Variants in DDX4 observed in about 807,000 individuals in gnomAD.
DDX4 encodes the protein DEAD-box helicase 4.
In DDX4, 25 loss-of-function variants were observed where a neutral mutation model predicts 100.0. That is an observed-to-expected ratio of 0.25 (90% confidence interval 0.18 to 0.35). The LOEUF (loss-of-function observed/expected upper bound fraction) is 0.35, where lower values mean the gene tolerates loss of function less well. Ranked by LOEUF, DDX4 falls within the 10% of genes least tolerant of loss-of-function variation. The pLI is 1.00. For synonymous variants in DDX4, 259 were observed against 275.7 expected, an observed-to-expected ratio of 0.94 and a Z score of 0.60; for missense variants, 635 against 882.4, an observed-to-expected ratio of 0.72 and a Z score of 3.55.
chr5:55,762,088 A>G (rs564751310), intron 4 of DDX4, among the ~76,000 whole-genome samples: 2 of 152,180 alleles, frequency 1.3e-5, no homozygotes, highest in Non-Finnish European at 2.9e-5. Flanking sequence ...AAATACTTTT[A>G]TAGTTGGGCA....
At chr5:55,801,858 C>T (rs987179934) in intron 18 of DDX4, among the ~76,000 whole-genome samples, 2 of 152,176 alleles carry the variant, frequency 1.3e-5, no homozygotes, top group African/African-American at 4.8e-5. Flanking sequence ...CAGAAACTCT[C>T]TCTACTAGGT....
chr5:55,796,701 TTTC>T (rs569631192), intron 17 of DDX4, among the ~76,000 whole-genome samples: 76 of 152,254 alleles, frequency 5.0e-4, no homozygotes, highest in Non-Finnish European at 9.1e-4. Flanking sequence ...TTTGTGCTTG[TTTC>T]TTCTTTCCTA....
intron 3 of DDX4, among the ~76,000 whole-genome samples, chr5:55,751,957 G>A (rs1246832320): frequency 6.6e-6 from 1 of 151,958 alleles, no homozygotes; most frequent in Non-Finnish European, 1.5e-5. Context: ...AATCATGGTG[G>A]CCATATTTAT....
intron 8 of DDX4, 22 bp downstream of exon 8, chr5:55,780,087 G>T (rs373181554): frequency 6.2e-7 from 1 of 1,611,882 alleles, no homozygotes; most frequent in Non-Finnish European, 8.5e-7. Flanking sequence ...ATTTGCAAAT[G>T]ATGTGCTTCA....
chr5:55,745,528 CCT>C (rs1479988170), intron 2 of DDX4, among the ~76,000 whole-genome samples: 5 of 151,942 alleles, frequency 3.3e-5, no homozygotes, highest in African/African-American at 1.2e-4. Context: ...GCGAAGTGAA[CCT>C]CCCATCTCAG....
In DDX4 at chr5:55,815,278, C is replaced by T. The variant is rs754235498; in HGVS notation, c.1987-35C>T. ...AAGTAAACTTTTCCAATATTTAATA[C>T]TTTATGTTGCATATGAAGTCAATTT... On this transcript the variant is annotated intron_variant, in intron 20 of 21. Transcript: ENST00000505374. The T allele has an allele frequency of 8.9e-5, 142 of 1,599,604 alleles. No individual in the cohort carries two copies. In the East Asian group the frequency reaches 3.1e-3, roughly 35 times the overall value.
intron 1 of DDX4, among the ~76,000 whole-genome samples, chr5:55,738,611 C>T (rs1002916063): frequency 1.3e-5 from 2 of 152,138 alleles, no homozygotes; most frequent in Non-Finnish European, 2.9e-5. Context: ...AAAGTTGCCT[C>T]TCCCTTAATA....
At chr5:55,806,579 T>C (rs1390719220) in intron 18 of DDX4, among the ~76,000 whole-genome samples, 1 of 152,366 alleles carries the variant, frequency 6.6e-6, no homozygotes, top group East Asian at 1.9e-4. Flanking sequence ...CATTTTGTTA[T>C]GTACCCAGTA....
At chr5:55,807,701 C>T (rs922664675) in intron 18 of DDX4, among the ~76,000 whole-genome samples, 17 of 152,322 alleles carry the variant, frequency 1.1e-4, no homozygotes, top group African/African-American at 4.1e-4. Flanking sequence ...AGCTGTTAGT[C>T]TGATGGGCTT....
At chr5:55,752,832 C>G (rs1759653428) in intron 3 of DDX4, among the ~76,000 whole-genome samples, 1 of 147,454 alleles carries the variant, frequency 6.8e-6, no homozygotes, top group Non-Finnish European at 1.5e-5. Flanking sequence ...TCTCCACATC[C>G]TCTCCAGCAC....
rs397956329 is a variant in DDX4 at position 55,816,449 on chromosome 5, TA to T, written c.2098-11del. On this transcript the variant is annotated splice_polypyrimidine_tract_variant and intron_variant, in intron 21 of 21. Transcript: ENST00000505374. Reference sequence around the variant, plus strand: ...TTGTTTGTTTCTTTTTTTTTTTTTTTAAATAATTACCAGGGCAAGAGCACTT... The same window carrying T: ...TTGTTTGTTTCTTTTTTTTTTTTTTTAATAATTACCAGGGCAAGAGCACTT... 6.4e-6 allele frequency: 10 copies of T among 1,564,366 alleles called. No homozygotes were observed. Among genetic ancestry groups the T allele is most frequent in the Admixed American group, 5.7e-5 (3 of 52,520 alleles).
chr5:55,766,233 AT>A (rs1283416122), intron 6 of DDX4, among the ~76,000 whole-genome samples: 1 of 151,876 alleles, frequency 6.6e-6, no homozygotes, highest in Non-Finnish European at 1.5e-5. Context: ...TTTTAAAGTA[AT>A]TTTTTATTTT....
intron 18 of DDX4, among the ~76,000 whole-genome samples, chr5:55,811,128 A>AG (rs1275907888): frequency 6.6e-6 from 1 of 151,776 alleles, no homozygotes; most frequent in Non-Finnish European, 1.5e-5. Context: ...AATGGCTCTG[A>AG]GGAAAAAAAA....
intron 2 of DDX4, among the ~76,000 whole-genome samples, chr5:55,742,808 A>G (rs541713702): frequency 6.6e-6 from 1 of 152,336 alleles, no homozygotes; most frequent in East Asian, 1.9e-4. Flanking sequence ...TGGAGAAGAC[A>G]GAATAAGCGC....
At chr5:55,745,025 C>A (rs1382290250) in intron 2 of DDX4, among the ~76,000 whole-genome samples, 1 of 151,988 alleles carries the variant, frequency 6.6e-6, no homozygotes. Context: ...GGATTACAGG[C>A]GCCCATCACC....
intron 3 of DDX4, among the ~76,000 whole-genome samples, chr5:55,757,022 A>G (rs1327316027): frequency 1.3e-5 from 2 of 152,186 alleles, no homozygotes; most frequent in African/African-American, 4.8e-5. Flanking sequence ...AAAGGAAATA[A>G]TTGTATATTT....
At chr5:55,764,370 A>G (rs568091709) in intron 6 of DDX4, among the ~76,000 whole-genome samples, 1 of 152,352 alleles carries the variant, frequency 6.6e-6, no homozygotes, top group South Asian at 2.1e-4. Context: ...TTCACTCTCT[A>G]TATAAATACA....
At chr5:55,762,558 C>A (rs548860788) in intron 4 of DDX4, among the ~76,000 whole-genome samples, 76 of 152,172 alleles carry the variant, frequency 5.0e-4, no homozygotes, top group Non-Finnish European at 9.1e-4. Flanking sequence ...AAAATATTAG[C>A]AGTTGACAGT....
In DDX4 at chr5:55,743,911, C is replaced by CTTT. The variant is rs35808138; in HGVS notation, c.70-2238_70-2236dup. On this transcript the variant is annotated intron_variant, in intron 2 of 21. Transcript: ENST00000505374. Reference sequence around the variant, plus strand: ...GTTTTATAACACTTGTAAAACCAGCCTTTTTTTTTTTTTTTTTGCCTCTAT... The same window carrying CTTT: ...GTTTTATAACACTTGTAAAACCAGCCTTTTTTTTTTTTTTTTTTTTGCCTCTAT... Among the ~76,000 whole-genome samples the CTTT allele has an allele frequency of 4.5e-3, 508 of 113,430 alleles. 12 individuals carry two copies. Among genetic ancestry groups the CTTT allele is most frequent in the African/African-American group, 0.012 (391 of 31,558 alleles). The allele number at this position is 113,430 out of a possible 152,430, so 74.4% of individuals were successfully genotyped here.
Sources: allele counts gnomAD v4.1 joint callset (sites outside exome capture counted in the v4.1 genomes callset), GRCh38; gene constraint gnomAD v4.1.1; transcripts MANE v1.5; gene names NCBI Gene and HGNC (gene_info 2026-07-23, HGNC 2026-07-21).